Variants in MCCC2 observed in about 807,000 individuals in gnomAD.
The protein encoded by MCCC2 is methylcrotonyl-CoA carboxylase subunit 2, also known as methylcrotonoyl-CoA carboxylase beta chain, mitochondrial.
A neutral mutation model predicts 77.2 loss-of-function variants in MCCC2; 52 were observed. The observed-to-expected ratio is 0.67, with a 90% confidence interval of 0.54 to 0.85. The LOEUF (loss-of-function observed/expected upper bound fraction) is 0.85, where lower values mean the gene tolerates loss of function less well. Ranked by LOEUF, MCCC2 falls within the 40% of genes least tolerant of loss-of-function variation. The pLI, the probability that MCCC2 is intolerant of heterozygous loss-of-function variation, is 0.00. For synonymous variants in MCCC2, 253 were observed against 248.4 expected (o/e 1.02, Z -0.18); for missense variants, 682 against 703.2 (o/e 0.97, Z 0.34).
chr5:71,596,799 G>A (rs1745207156), intron 3 of MCCC2, among the ~76,000 whole-genome samples: 1 of 152,086 alleles, frequency 6.6e-6, no homozygotes, highest in African/African-American at 2.4e-5. Flanking sequence ...AATTAGCTGG[G>A]CATGGTGGCA....
intron 6 of MCCC2, among the ~76,000 whole-genome samples, chr5:71,614,049 C>CAT (rs1561832851): frequency 6.6e-6 from 1 of 151,054 alleles, no homozygotes; most frequent in Non-Finnish European, 1.5e-5. Flanking sequence ...CACACACACA[C>CAT]ATATATCAGT....
intron 16 of MCCC2, among the ~76,000 whole-genome samples, chr5:71,655,698 C>T (rs974928503): frequency 6.6e-6 from 1 of 151,836 alleles, no homozygotes; most frequent in Non-Finnish European, 1.5e-5. Context: ...GGTTCAGATA[C>T]CGAAGGGAGT....
Position 71,609,482 on chromosome 5 carries a change from A to G in MCCC2, c.624+5014A>G, listed in dbSNP as rs963311126. Among the ~76,000 whole-genome samples, 147 of 148,866 alleles carry G rather than the reference A, an allele frequency of 9.9e-4. 3 individuals carry two copies. The East Asian group carries it at 0.024, about 24-fold the overall frequency. ...TTATACATTCTTCTAAATTTTTTTC[A>G]AAGTTTTCAACTTCTTTGCCTTTAG... On this transcript the variant is annotated intron_variant, in intron 6 of 16. Coordinates refer to ENST00000340941, the MANE Select transcript of MCCC2 (RefSeq NM_022132.5).
At chr5:71,626,518 G>A (rs537668943) in intron 6 of MCCC2, 122 bp from the exon 7 acceptor site, 2 of 753,170 alleles carry the variant, frequency 2.7e-6, no homozygotes, top group Non-Finnish European at 4.6e-6. Context: ...TTAAAATGAT[G>A]TTCAGGGACC....
chr5:71,635,195 A>C lies in MCCC2; in HGVS notation c.948A>C (p.Glu316Asp), dbSNP rs1456800952. Residue 316 changes from glutamate (E) to aspartate (D), a missense_variant, in exon 10 of 17, where the codon GAA (glutamate) becomes GAC (aspartate). Glu to Asp is a conservative substitution (Grantham distance 45, BLOSUM62 2). Transcript: ENST00000340941. ...PSEEPLFPAD[E>D]LYGIVGANLK... ...AAGAGCCTTTATTTCCTGCTGATGA[A>C]TTGTATGGAATAGTTGGTGCTAACC... 2 of 1,614,132 alleles carry C rather than the reference A, an allele frequency of 1.2e-6. No individual in the cohort carries two copies. The highest frequency in any genetic ancestry group is 8.5e-7 in the Non-Finnish European group (1 of 1,180,002).
chr5:71,612,095 C>T (rs764800859), intron 6 of MCCC2, among the ~76,000 whole-genome samples: 12 of 151,954 alleles, frequency 7.9e-5, no homozygotes, highest in East Asian at 3.9e-4. Context: ...TGAGCCACCG[C>T]GCCTGGTCAA....
chr5:71,605,335 A>G (rs1462120139), intron 6 of MCCC2, among the ~76,000 whole-genome samples: 1 of 151,352 alleles, frequency 6.6e-6, no homozygotes, highest in Non-Finnish European at 1.5e-5. Context: ...ATGGCCAGTG[A>G]TGACGAGCAT....
chr5:71,640,713 G>A (rs973117583), intron 10 of MCCC2, among the ~76,000 whole-genome samples: 1 of 152,102 alleles, frequency 6.6e-6, no homozygotes, highest in African/African-American at 2.4e-5. Context: ...CGGTACATTC[G>A]AACAGTCCTT....
chr5:71,653,637 C>T (rs1268630339), intron 16 of MCCC2, among the ~76,000 whole-genome samples: 3 of 151,930 alleles, frequency 2.0e-5, no homozygotes, highest in Non-Finnish European at 4.4e-5. Context: ...ATTGCTTGAG[C>T]CCAGGAGTTC....
intron 7 of MCCC2, among the ~76,000 whole-genome samples, chr5:71,627,532 G>A (rs925416522): frequency 1.2e-4 from 18 of 152,302 alleles, no homozygotes; most frequent in South Asian, 2.1e-4. Context: ...GAATAACGGC[G>A]CTTTGAATGT....
In MCCC2 at chr5:71,632,114, G is replaced by T. The variant is rs765082065; in HGVS notation, c.739-7G>T. 9.9e-6 allele frequency: 16 copies of T among 1,613,836 alleles called. No homozygotes were observed. The highest frequency in any genetic ancestry group is 1.2e-5 in the Non-Finnish European group (14 of 1,179,838). ...GATTTCACTGATGATTTTTATCCTT[G>T]TTGTAGGTTAAAGCGGCAACTGGGG... is the stretch of plus-strand genomic sequence containing the variant. On this transcript the variant is annotated splice_region_variant and splice_polypyrimidine_tract_variant and intron_variant, in intron 7 of 16. Coordinates refer to ENST00000340941, the MANE Select transcript of MCCC2 (RefSeq NM_022132.5).
intron 2 of MCCC2, among the ~76,000 whole-genome samples, chr5:71,593,460 G>T (rs1580269897): frequency 6.6e-6 from 1 of 152,008 alleles, no homozygotes; most frequent in East Asian, 1.9e-4. Flanking sequence ...CTATTACTTG[G>T]CCAGTTTTTC....
chr5:71,655,990 G>A (rs1040120315), intron 16 of MCCC2, among the ~76,000 whole-genome samples: 21 of 152,178 alleles, frequency 1.4e-4, no homozygotes, highest in Admixed American at 5.2e-4. Flanking sequence ...TGAGGTGGGC[G>A]GATCACCTGA....
chr5:71,618,465 CT>C (rs1746242229), intron 6 of MCCC2, among the ~76,000 whole-genome samples: 1 of 127,812 alleles, frequency 7.8e-6, no homozygotes, highest in Admixed American at 7.8e-5. Context: ...TTTTTAAATT[CT>C]TTCTTTCTTT....
intron 7 of MCCC2, among the ~76,000 whole-genome samples, chr5:71,630,141 G>C (rs1746658717): frequency 6.6e-6 from 1 of 152,102 alleles, no homozygotes; most frequent in Admixed American, 6.5e-5. Flanking sequence ...ATGTTCACAG[G>C]GAGAAAAAGG....
intron 3 of MCCC2, among the ~76,000 whole-genome samples, chr5:71,596,613 A>G (rs750946432): frequency 1.8e-4 from 28 of 152,174 alleles, no homozygotes; most frequent in Non-Finnish European, 2.4e-4. Flanking sequence ...TAGAGTTTAC[A>G]TCATAGCAAA....
At position 71,587,554 on chromosome 5, in the gene MCCC2, G is replaced by A. The variant is rs1580262388; in HGVS notation, c.129G>A (p.Gln43=). The A allele has an allele frequency of 1.3e-6, 2 of 1,535,166 alleles. No homozygotes were observed. The highest frequency in any genetic ancestry group is 1.7e-6 in the Non-Finnish European group (2 of 1,144,290). ...CGGACTTGGGCTCTGCCCTCTACCA[G>A]GTAGGCTGAGCGCCCCGGTGGCCTG... The part of the protein sequence containing the change: ...TQPDLGSALY[Q]ENYKQMKALV... The change falls in exon 1 of 17, where the codon CAG becomes CAA. Residue 43 remains glutamine (Q), a splice_region_variant and synonymous_variant. Coordinates refer to ENST00000340941, the MANE Select transcript of MCCC2 (RefSeq NM_022132.5).
intron 6 of MCCC2, among the ~76,000 whole-genome samples, chr5:71,610,150 A>G (rs1030484179): frequency 4.1e-4 from 63 of 152,078 alleles, no homozygotes; most frequent in Admixed American, 1.3e-3. Flanking sequence ...GGCAATGGCG[A>G]GCGCCCCTCC....
chr5:71,605,865 G>A (rs1459365537), intron 6 of MCCC2, among the ~76,000 whole-genome samples: 1 of 152,042 alleles, frequency 6.6e-6, no homozygotes, highest in African/African-American at 2.4e-5. Flanking sequence ...TTTTTCTCAG[G>A]TTTGTCAAAG....
Sources: gnomAD v4.1 joint callset for allele counts (sites outside exome capture counted in the v4.1 genomes callset) on GRCh38, gnomAD v4.1.1 for gene constraint, MANE v1.5 for transcripts, NCBI Gene and HGNC (gene_info 2026-07-23, HGNC 2026-07-21) for gene names.